Variants in CCDC3 observed in about 807,000 individuals in gnomAD.
The protein encoded by CCDC3 is coiled-coil domain containing 3, also known as coiled-coil domain-containing protein 3.
Under a neutral mutation model 21.4 loss-of-function variants are expected in CCDC3, and 24 were observed. That is an observed-to-expected ratio of 1.12 (90% confidence interval 0.81 to 1.58). CCDC3 has a LOEUF of 1.58. Among genes scored for constraint, CCDC3 ranks in the 40% most tolerant of loss-of-function variants. The pLI, the probability that CCDC3 is intolerant of heterozygous loss-of-function variation, is 0.00. For synonymous variants in CCDC3, 186 were observed against 166.0 expected (o/e 1.12, Z -0.93); for missense variants, 425 against 360.9 (o/e 1.18, Z -1.44).
At position 13,001,208 on chromosome 10, in the gene CCDC3, G is replaced by A. The variant is rs1477169286; in HGVS notation, c.363C>T (p.Phe121=). 3.9e-6 allele frequency: 6 copies of A among 1,557,578 alleles called. No homozygotes were observed. The South Asian group carries it at 7.1e-5, about 18-fold the overall frequency. The change falls in exon 1 of 3, where the codon TTC becomes TTT. Residue 121 remains phenylalanine (F), a synonymous_variant. Transcript: ENST00000378825. Reference sequence around the variant, plus strand: ...GCCGCCGGGCTCACCTGAGGAAGAAGAAATAGGAGTAGTCCTGGACCACGG... The same window carrying A: ...GCCGCCGGGCTCACCTGAGGAAGAAAAAATAGGAGTAGTCCTGGACCACGG... The part of the protein sequence containing the change: ...SHTVVQDYSY[F]FFLRMDENYN...
At chr10:12,928,409 C>G (rs1192131693) in intron 2 of CCDC3, among the ~76,000 whole-genome samples, 1 of 152,196 alleles carries the variant, frequency 6.6e-6, no homozygotes, top group Non-Finnish European at 1.5e-5. Context: ...AAATTTCCCT[C>G]CAACCGTTTT....
At chr10:12,917,463 T>C (rs2131212309) in intron 2 of CCDC3, among the ~76,000 whole-genome samples, 1 of 152,250 alleles carries the variant, frequency 6.6e-6, no homozygotes, top group Non-Finnish European at 1.5e-5. Flanking sequence ...CCCAAAGTGC[T>C]GGGATTACAG....
rs560470656 is a variant in CCDC3, at chr10:13,074,913, GA to G, written c.-502-814del. Among the ~76,000 whole-genome samples, 19 of 152,350 alleles carry G rather than the reference GA, an allele frequency of 1.2e-4. No homozygotes were observed. The South Asian group carries it at 1.4e-3, about 12-fold the overall frequency. The stretch of plus-strand genomic sequence containing the variant: ...AGAAAGGGTCTCAAACAGACAATAT[GA>G]GTGCCTTCTTTAAGATGCTGGCCCT... On this transcript the variant is annotated intron_variant, in intron 3 of 6. Transcript: ENST00000378839.
At chr10:12,899,463 C>G (rs1206467072) in intron 2 of CCDC3, among the ~76,000 whole-genome samples, 1 of 152,094 alleles carries the variant, frequency 6.6e-6, no homozygotes, top group Non-Finnish European at 1.5e-5. Context: ...GGGACTATCT[C>G]AGATAAATAC....
At chr10:13,051,297 T>C (rs12773101) in intron 4 of CCDC3, among the ~76,000 whole-genome samples, 17,248 of 152,182 alleles carry the variant, frequency 0.11, 1,171 homozygotes, top group Admixed American at 0.16. Context: ...CAGCATAAGC[T>C]AACACCCACG....
intron 2 of CCDC3, among the ~76,000 whole-genome samples, chr10:12,940,234 T>G (rs1333444081): frequency 4.1e-5 from 6 of 147,106 alleles, no homozygotes; most frequent in Non-Finnish European, 9.1e-5. Flanking sequence ...AAATTGTTTT[T>G]TTTTTTTTTT....
intron 4 of CCDC3, among the ~76,000 whole-genome samples, chr10:13,061,672 G>A (rs1836759538): frequency 6.6e-6 from 1 of 152,162 alleles, no homozygotes; most frequent in African/African-American, 2.4e-5. Flanking sequence ...GAATGGGGAT[G>A]GGGGCTTTCA....
chr10:12,978,019 C>T (rs1835441651), intron 2 of CCDC3, among the ~76,000 whole-genome samples: 2 of 144,096 alleles, frequency 1.4e-5, no homozygotes, highest in African/African-American at 2.5e-5. Context: ...TTTCCACACT[C>T]TTTTTTTTTT....
At chr10:12,949,429 C>G (rs1834976292) in intron 2 of CCDC3, among the ~76,000 whole-genome samples, 1 of 152,128 alleles carries the variant, frequency 6.6e-6, no homozygotes, top group Admixed American at 6.5e-5. Context: ...CCATCTTGGA[C>G]CAGGAGTTGA....
chr10:13,027,098 T>C (rs1397511796), intron 5 of CCDC3, among the ~76,000 whole-genome samples: 1 of 152,202 alleles, frequency 6.6e-6, no homozygotes, highest in Non-Finnish European at 1.5e-5. Context: ...TTAGTATCTG[T>C]GTCTGTCAAA....
At chr10:13,056,311 T>A (rs1836680697) in intron 4 of CCDC3, among the ~76,000 whole-genome samples, 2 of 152,128 alleles carry the variant, frequency 1.3e-5, no homozygotes, top group Admixed American at 1.3e-4. Flanking sequence ...GGCCTAGAAA[T>A]GGCGCACAAC....
chr10:13,090,071 A>C (rs1295606674), intron 3 of CCDC3, among the ~76,000 whole-genome samples: 29 of 49,142 alleles, frequency 5.9e-4, no homozygotes, highest in Middle Eastern at 0.012. Flanking sequence ...ATATATATAT[A>C]TATATATCAC....
Position 13,080,478 on chromosome 10 carries a change from T to C in CCDC3, c.-502-6378A>G, listed in dbSNP as rs186136858. 2.4e-3 allele frequency among the ~76,000 whole-genome samples: 370 copies of C among 152,226 alleles called. 1 individual carries two copies. The highest frequency in any genetic ancestry group is 5.4e-3 in the African/African-American group (226 of 41,534). On this transcript the variant is annotated intron_variant, in intron 3 of 6. Transcript: ENST00000378839. ...AAAGGAACAGTTTATGTGCAAGATA[T>C]GTAAGGAAAATAAAATATACTTTTA... is the stretch of plus-strand genomic sequence containing the variant.
upstream of CCDC3, among the ~76,000 whole-genome samples, chr10:13,005,437 G>A (rs73583900): frequency 6.6e-3 from 1,009 of 152,240 alleles, 15 homozygotes; most frequent in African/African-American, 0.023. Flanking sequence ...TTGCTGCTGC[G>A]CACACATGGC....
intron 5 of CCDC3, among the ~76,000 whole-genome samples, chr10:13,032,349 T>C (rs939143823): frequency 1.3e-5 from 2 of 152,112 alleles, no homozygotes; most frequent in Admixed American, 6.6e-5. Flanking sequence ...CTCAAAATAA[T>C]AAGAGTTATT....
chr10:12,912,983 G>A (rs1313142139), intron 2 of CCDC3, among the ~76,000 whole-genome samples: 1 of 152,164 alleles, frequency 6.6e-6, no homozygotes, highest in Non-Finnish European at 1.5e-5. Context: ...TTAGGCCAGT[G>A]CCATCCCGCT....
chr10:12,909,643 G>A (rs935290631), intron 2 of CCDC3, among the ~76,000 whole-genome samples: 5 of 152,182 alleles, frequency 3.3e-5, no homozygotes, highest in African/African-American at 1.2e-4. Context: ...CTCCCTTCCG[G>A]TGTCAGGGCA....
At chr10:12,989,815 C>T (rs1835653260) in intron 2 of CCDC3, among the ~76,000 whole-genome samples, 2 of 152,176 alleles carry the variant, frequency 1.3e-5, no homozygotes, top group Admixed American at 6.5e-5. Context: ...TTGTCATTTG[C>T]GCTGCTGGTG....
chr10:13,008,640 A>G (rs900132087), intron 5 of CCDC3, among the ~76,000 whole-genome samples: 2 of 152,266 alleles, frequency 1.3e-5, no homozygotes, highest in Admixed American at 6.5e-5. Flanking sequence ...ATAGATTTTA[A>G]TAATAGATAT....
Sources: gnomAD v4.1 joint callset for allele counts (sites outside exome capture counted in the v4.1 genomes callset) on GRCh38, gnomAD v4.1.1 for gene constraint, MANE v1.5 for transcripts, NCBI Gene and HGNC (gene_info 2026-07-23, HGNC 2026-07-21) for gene names.